Variants in METTL14 observed in about 807,000 individuals in gnomAD.
METTL14 encodes N(6)-adenosine-methyltransferase non-catalytic subunit METTL14.
Under a neutral mutation model 62.4 loss-of-function variants are expected in METTL14, and 32 were observed. The ratio of observed to expected loss-of-function variants is 0.51; its 90% CI spans 0.39 to 0.69. METTL14 has a LOEUF of 0.69. Ranked by LOEUF, METTL14 falls within the 30% of genes least tolerant of loss-of-function variation. The pLI, the probability that METTL14 is intolerant of heterozygous loss-of-function variation, is 0.00. For synonymous variants in METTL14, 150 were observed against 180.0 expected (o/e 0.83, Z 1.34); for missense variants, 340 against 551.9 (o/e 0.62, Z 3.85).
intron 3 of METTL14, among the ~76,000 whole-genome samples, chr4:118,690,267 T>C (rs1036997369): frequency 4.0e-5 from 6 of 150,918 alleles, no homozygotes; most frequent in Non-Finnish European, 5.9e-5. Context: ...CTCGAACTCC[T>C]GACCTCATGA....
chr4:118,699,726 G>T (rs6814447), intron 7 of METTL14, among the ~76,000 whole-genome samples: 2 of 151,818 alleles, frequency 1.3e-5, no homozygotes, highest in Non-Finnish European at 2.9e-5. Context: ...TTAAAATAAA[G>T]AAATTCTATT....
At chr4:118,696,960 G>A (rs896143488) in intron 6 of METTL14, among the ~76,000 whole-genome samples, 10 of 152,016 alleles carry the variant, frequency 6.6e-5, no homozygotes, top group African/African-American at 1.9e-4. Flanking sequence ...CATGTCTTAA[G>A]AAAGATCACT....
At position 118,713,728 on chromosome 4, in the gene METTL14, A is replaced by G. The variant is rs1724986410; in HGVS notation, c.*3426A>G. The G allele has an allele frequency of 6.6e-6, 1 of 151,302 alleles. No homozygotes were observed. Among genetic ancestry groups the G allele is most frequent in the African/African-American group, 2.5e-5 (1 of 40,626 alleles). 9.4% of individuals were successfully genotyped at this position (151,302 alleles called of 1,614,324 possible). On this transcript the variant is annotated 3_prime_UTR_variant, in exon 11 of 11. Coordinates refer to ENST00000388822, the MANE Select transcript of METTL14 (RefSeq NM_020961.4). ...AATAGAGGCTGAACTTTTCTTGTGT[A>G]TATATAGTTAGTTTTGAGGCCATAA...
At chr4:118,691,449 A>G (rs889476257) in intron 3 of METTL14, 83 bp from the exon 4 acceptor site, 24 of 694,190 alleles carry the variant, frequency 3.5e-5, no homozygotes, top group Non-Finnish European at 4.9e-5. Flanking sequence ...TTAAGGAAAT[A>G]AAATATGTTG....
intron 3 of METTL14, among the ~76,000 whole-genome samples, chr4:118,690,412 C>T (rs1002558596): frequency 6.6e-6 from 1 of 151,940 alleles, no homozygotes; most frequent in Admixed American, 6.5e-5. Flanking sequence ...AGTGTGGTGC[C>T]TCACGCTTGT....
At chr4:118,699,413 CTT>C (rs984191239) in intron 7 of METTL14, among the ~76,000 whole-genome samples, 1 of 152,128 alleles carries the variant, frequency 6.6e-6, no homozygotes, top group Non-Finnish European at 1.5e-5. Flanking sequence ...ATTTCTAAGA[CTT>C]AAGATTAGAG....
intron 1 of METTL14, among the ~76,000 whole-genome samples, chr4:118,686,382 A>C (rs1724059960): frequency 6.6e-6 from 1 of 152,248 alleles, no homozygotes; most frequent in Non-Finnish European, 1.5e-5. Context: ...GCACAGTTCT[A>C]CTTAAAATCG....
chr4:118,697,236 T>C lies in METTL14; in HGVS notation c.558T>C (p.Phe186=), dbSNP rs748719901. 1 of 1,612,306 alleles carries C rather than the reference T, an allele frequency of 6.2e-7. No individual in the cohort carries two copies. Among genetic ancestry groups the C allele is most frequent in the South Asian group, 1.1e-5 (1 of 90,840 alleles). Residue 186 remains phenylalanine, a synonymous_variant, in exon 7 of 11, where the codon TTT becomes TTC. Transcript: ENST00000388822. Reference sequence around the variant, plus strand: ...ACATCAGAGAACTAACACCCAAATTTGATGTGATTCTTCTGGAACCCCCTT... The same window carrying C: ...ACATCAGAGAACTAACACCCAAATTCGATGTGATTCTTCTGGAACCCCCTT... The part of the protein sequence containing the change: ...AFDIRELTPK[F]DVILLEPPLE...
chr4:118,700,946 C>A (rs1724570303), intron 8 of METTL14, among the ~76,000 whole-genome samples: 1 of 152,034 alleles, frequency 6.6e-6, no homozygotes, highest in Non-Finnish European at 1.5e-5. Context: ...TGCTTGGTAT[C>A]ATTTACAATT....
Position 118,688,893 on chromosome 4 carries a change from C to T in METTL14, c.156-477C>T, listed in dbSNP as rs564723486. Among the ~76,000 whole-genome samples the T allele has an allele frequency of 9.9e-5, 15 of 152,110 alleles. No homozygotes were observed. The South Asian group carries it at 2.3e-3, about 23-fold the overall frequency. ...TTCATCATGTTGGCCAGGCTGGTCT[C>T]GATCTCTTGACTTTTTGATCCGCCT... is the stretch of plus-strand genomic sequence containing the variant. On this transcript the variant is annotated intron_variant, in intron 2 of 10. Coordinates refer to ENST00000388822, the MANE Select transcript of METTL14 (RefSeq NM_020961.4).
In METTL14 at chr4:118,712,981, CAAAT is replaced by C. The variant is rs1724968311; in HGVS notation, c.*2680_*2683del. The C allele has an allele frequency of 6.6e-6, 1 of 152,124 alleles. No homozygotes were observed. The highest frequency in any genetic ancestry group is 2.4e-5 in the African/African-American group (1 of 41,412). The allele number at this position is 152,124 out of a possible 1,614,324, so 9.4% of individuals were successfully genotyped here. ...TGGTGTGGAATACCATACCTAAACA[CAAAT>C]GAATCAGATTAGACCACAGAATTGT... is the stretch of plus-strand genomic sequence containing the variant. On this transcript the variant is annotated 3_prime_UTR_variant, in exon 11 of 11. Coordinates refer to ENST00000388822, the MANE Select transcript of METTL14 (RefSeq NM_020961.4).
At chr4:118,694,887 C>T (rs374791638) in intron 6 of METTL14, among the ~76,000 whole-genome samples, 8 of 151,760 alleles carry the variant, frequency 5.3e-5, no homozygotes, top group South Asian at 4.2e-4. Flanking sequence ...CTGCAGCCTC[C>T]GCCCCCTGGG....
At chr4:118,706,098 A>G (rs298994) in intron 10 of METTL14, among the ~76,000 whole-genome samples, 96,691 of 152,022 alleles carry the variant, frequency 0.64, 32,324 homozygotes, top group Non-Finnish European at 0.73. Context: ...ACATTGACAC[A>G]TCATAATCAC....
Position 118,710,217 on chromosome 4 carries a change from G to A in METTL14, c.1286G>A (p.Arg429Lys). 6.2e-7 allele frequency: 1 copy of A among 1,614,232 alleles called. No individual in the cohort carries two copies. Among genetic ancestry groups the A allele is most frequent in the Non-Finnish European group, 8.5e-7 (1 of 1,180,050 alleles). The change falls in exon 11 of 11, where the codon AGA becomes AAA. Residue 429 changes from arginine to lysine, a missense_variant. Physicochemically the swap from Arg to Lys is conservative, Grantham distance 26. Coordinates refer to ENST00000388822, the MANE Select transcript of METTL14 (RefSeq NM_020961.4). ...GGTSAGRGRE[R>K]NRSNFRGERG... Reference sequence around the variant, plus strand: ...ACTTCTGCTGGCCGTGGACGAGAAAGAAATAGATCTAACTTCCGAGGAGAA... The same window carrying A: ...ACTTCTGCTGGCCGTGGACGAGAAAAAAATAGATCTAACTTCCGAGGAGAA...
intron 8 of METTL14, 53 bp downstream of exon 8, chr4:118,700,695 A>G: frequency 7.6e-7 from 1 of 1,308,408 alleles, no homozygotes; most frequent in Non-Finnish European, 1.1e-6. Flanking sequence ...AAAAAAATGT[A>G]ACAGTATGTT....
intron 5 of METTL14, among the ~76,000 whole-genome samples, chr4:118,693,512 ATTTTTGATATAATCAAAT>A (rs1428472056): frequency 6.6e-6 from 1 of 152,162 alleles, no homozygotes; most frequent in Admixed American, 6.5e-5. Flanking sequence ...CAAACATTCT[ATTTTTGATATAATCAAAT>A]TTAGTTTTTC....
At chr4:118,689,832 G>T (rs1724190036) in intron 3 of METTL14, among the ~76,000 whole-genome samples, 1 of 151,508 alleles carries the variant, frequency 6.6e-6, no homozygotes, top group South Asian at 2.1e-4. Context: ...TAGAGACAGG[G>T]TTTCACCATG....
chr4:118,694,361 G>A lies in METTL14; in HGVS notation c.413-75G>A, dbSNP rs1251090249. ...TGTGTATTATTTTGTTTTCTTGGGA[G>A]GGCTCATAACTTTTGAATTACTGAT... On this transcript the variant is annotated intron_variant, in intron 5 of 10. Transcript: ENST00000388822. 4 of 1,101,486 alleles carry A rather than the reference G, an allele frequency of 3.6e-6. No individual in the cohort carries two copies. The South Asian group carries it at 5.9e-5, about 16-fold the overall frequency. 68.2% of individuals were successfully genotyped at this position (1,101,486 alleles called of 1,614,324 possible). A position where few individuals can be genotyped will look rare whatever the true frequency, so the allele number is the denominator to read the frequency against.
At chr4:118,691,493 C>G (rs568177222) in intron 3 of METTL14, 39 bp from the exon 4 acceptor site, 3 of 1,130,440 alleles carry the variant, frequency 2.7e-6, no homozygotes, top group South Asian at 2.9e-5. Context: ...GAAATAACCC[C>G]TATTTGTAAA....
Sources: gnomAD v4.1 joint callset for allele counts (sites outside exome capture counted in the v4.1 genomes callset) on GRCh38, gnomAD v4.1.1 for gene constraint, MANE v1.5 for transcripts, NCBI Gene and HGNC (gene_info 2026-07-23, HGNC 2026-07-21) for gene names.